The following MGMT variants were observed in gnomAD, a reference collection of about 807,000 sequenced individuals.
MGMT encodes the protein methylated-DNA--protein-cysteine methyltransferase.
MGMT carries 14 observed loss-of-function variants against 15.9 expected under a neutral mutation model. The ratio of observed to expected loss-of-function variants is 0.88; its 90% CI spans 0.58 to 1.37. The LOEUF is 1.37. Among genes scored for constraint, MGMT ranks in the 40% most tolerant of loss-of-function variants. The pLI is 0.00. For missense variants in MGMT, 282 were observed against 268.1 expected (o/e 1.05, Z -0.36); for synonymous variants, 130 against 118.2 (o/e 1.10, Z -0.65).
chr10:129,593,233 C>G (rs1490712837), intron 2 of MGMT, among the ~76,000 whole-genome samples: 1 of 152,218 alleles, frequency 6.6e-6, no homozygotes, highest in Admixed American at 6.5e-5. Flanking sequence ...GCGCAGTGGG[C>G]GCTGTTGGGA....
At chr10:129,561,299 C>T (rs373013917) in intron 2 of MGMT, among the ~76,000 whole-genome samples, 2 of 152,036 alleles carry the variant, frequency 1.3e-5, no homozygotes, top group South Asian at 2.1e-4. Flanking sequence ...GTGCGGGCAG[C>T]GACAGGGGTG....
At chr10:129,667,717 C>T (rs960971584) in intron 2 of MGMT, among the ~76,000 whole-genome samples, 4 of 152,296 alleles carry the variant, frequency 2.6e-5, no homozygotes, top group Admixed American at 6.5e-5. Context: ...AGATTAGCGC[C>T]CATTAGCAAT....
At chr10:129,510,456 T>A (rs1453264010) in intron 1 of MGMT, among the ~76,000 whole-genome samples, 15 of 152,118 alleles carry the variant, frequency 9.9e-5, no homozygotes, top group Non-Finnish European at 1.5e-5. Context: ...AGGAACCACG[T>A]GTCTTGGGGA....
chr10:129,618,480 C>T (rs976099064), intron 2 of MGMT, among the ~76,000 whole-genome samples: 1 of 152,022 alleles, frequency 6.6e-6, no homozygotes, highest in Admixed American at 6.5e-5. Flanking sequence ...ATTGTTTTGG[C>T]TCTTCTTAGT....
chr10:129,626,420 C>T (rs552302578), intron 2 of MGMT, among the ~76,000 whole-genome samples: 75 of 152,156 alleles, frequency 4.9e-4, no homozygotes, highest in South Asian at 2.1e-3. Context: ...CTTGAGCTTC[C>T]GGCAGCACGT....
intron 1 of MGMT, among the ~76,000 whole-genome samples, chr10:129,471,548 C>T (rs1019540963): frequency 6.6e-6 from 1 of 152,090 alleles, no homozygotes; most frequent in African/African-American, 2.4e-5. Flanking sequence ...CAAGGCCTGA[C>T]GAGTCACAGC....
At chr10:129,542,557 A>G (rs1181280874) in intron 2 of MGMT, among the ~76,000 whole-genome samples, 1 of 152,190 alleles carries the variant, frequency 6.6e-6, no homozygotes, top group African/African-American at 2.4e-5. Context: ...TAGGACTTTT[A>G]CCTGCGGCAA....
intron 1 of MGMT, among the ~76,000 whole-genome samples, chr10:129,523,470 G>C (rs1032773115): frequency 6.6e-6 from 1 of 152,248 alleles, no homozygotes; most frequent in African/African-American, 2.4e-5. Context: ...GCATGAGACT[G>C]TGCTGAGGTC....
At chr10:129,587,949 T>C (rs925116560) in intron 2 of MGMT, among the ~76,000 whole-genome samples, 2 of 152,224 alleles carry the variant, frequency 1.3e-5, no homozygotes, top group Non-Finnish European at 2.9e-5. Flanking sequence ...TGCTAGGTTA[T>C]TTATTTAATA....
intron 3 of MGMT, among the ~76,000 whole-genome samples, chr10:129,757,808 G>C (rs1848824199): frequency 6.6e-6 from 1 of 152,190 alleles, no homozygotes; most frequent in South Asian, 2.1e-4. Flanking sequence ...ACCCAAAGCT[G>C]TTAATGTGGT....
rs1286644092 is a variant in MGMT, at chr10:129,486,666, AG to A, written c.-13+19371del. ...AAATTTATTTGTATTTCTACTCTGAAGAAGGACTGTTCAAACTTTATATGGA... is the reference window on the plus strand; with the variant it reads ...AAATTTATTTGTATTTCTACTCTGAAAAGGACTGTTCAAACTTTATATGGA... On this transcript the variant is annotated intron_variant, in intron 1 of 4. Transcript: ENST00000651593. Among the ~76,000 whole-genome samples the A allele has an allele frequency of 5.2e-5, 7 of 134,738 alleles. No homozygotes were observed. In the East Asian group the frequency reaches 1.4e-3, roughly 27 times the overall value. The allele number at this position is 134,738 out of a possible 152,430, so 88.4% of individuals were successfully genotyped here.
chr10:129,676,623 A>G (rs1176810042), intron 2 of MGMT, among the ~76,000 whole-genome samples: 1 of 152,186 alleles, frequency 6.6e-6, no homozygotes, highest in Non-Finnish European at 1.5e-5. Context: ...AAAAATAACC[A>G]TTTGATAATT....
intron 3 of MGMT, among the ~76,000 whole-genome samples, chr10:129,737,601 C>A (rs1419753513): frequency 6.6e-6 from 1 of 152,220 alleles, no homozygotes; most frequent in Non-Finnish European, 1.5e-5. Flanking sequence ...TGGTGAGGAA[C>A]TGCGTTCCTT....
chr10:129,732,159 AT>A (rs34280997), intron 3 of MGMT, among the ~76,000 whole-genome samples: 77,999 of 151,758 alleles, frequency 0.51, 20,427 homozygotes, highest in Middle Eastern at 0.68. Flanking sequence ...CCTTTTTTAA[AT>A]TTTTTTTATT....
At position 129,550,448 on chromosome 10, in the gene MGMT, CTTT is replaced by C. The variant is rs58863411; in HGVS notation, c.125+14085_125+14087del. On this transcript the variant is annotated intron_variant, in intron 2 of 4. Coordinates refer to ENST00000651593, the MANE Select transcript of MGMT (RefSeq NM_002412.5). ...ACTGGAATGTTTCTGTGTTTTGATT[CTTT>C]TTTTTTTTTTTTTGAGACTTAATCT... Among the ~76,000 whole-genome samples the C allele has an allele frequency of 1.9e-3, 253 of 131,160 alleles. 1 individual carries two copies. Among genetic ancestry groups the C allele is most frequent in the African/African-American group, 6.2e-3 (222 of 35,770 alleles). The allele number at this position is 131,160 out of a possible 152,430, so 86.0% of individuals were successfully genotyped here.
chr10:129,760,374 T>A (rs1848858840), intron 4 of MGMT, among the ~76,000 whole-genome samples: 1 of 152,166 alleles, frequency 6.6e-6, no homozygotes, highest in Non-Finnish European at 1.5e-5. Context: ...CAGTGTCTTC[T>A]CCCGAAAGCT....
intron 1 of MGMT, among the ~76,000 whole-genome samples, chr10:129,512,359 C>CATAGCATAT (rs1343861911): frequency 3.7e-4 from 56 of 152,304 alleles, no homozygotes; most frequent in South Asian, 6.2e-4. Flanking sequence ...TTTGTTTATT[C>CATAGCATAT]TGTTACACGT....
intron 1 of MGMT, among the ~76,000 whole-genome samples, chr10:129,487,597 G>C (rs1380704093): frequency 6.7e-6 from 1 of 149,522 alleles, no homozygotes; most frequent in Admixed American, 6.7e-5. Context: ...ATATATATAT[G>C]TACACACACT....
intron 1 of MGMT, among the ~76,000 whole-genome samples, chr10:129,490,499 T>A (rs967929545): frequency 0.12 from 166 of 1,388 alleles, no homozygotes; most frequent in Non-Finnish European, 0.38. Flanking sequence ...TATTCTTTAT[T>A]GTTATTAAGA....
Sources: gnomAD v4.1 joint callset for allele counts (sites outside exome capture counted in the v4.1 genomes callset) on GRCh38, gnomAD v4.1.1 for gene constraint, MANE v1.5 for transcripts, NCBI Gene and HGNC (gene_info 2026-07-23, HGNC 2026-07-21) for gene names.